The following STEAP1B variants were observed in gnomAD, a reference collection of about 807,000 sequenced individuals.
STEAP1B encodes the protein STEAP family member 1B, also known as STEAP family protein MGC87042.
In STEAP1B, 13 loss-of-function variants were observed where a neutral mutation model predicts 27.9. The ratio of observed to expected loss-of-function variants is 0.47; its 90% confidence interval spans 0.30 to 0.74. STEAP1B has a LOEUF of 0.74. Among genes scored for constraint, STEAP1B ranks in the 30% least tolerant of loss-of-function variants. The probability of loss-of-function intolerance (pLI) is 0.06; values close to 1 mark genes in which losing one functional copy is unlikely to be tolerated. For synonymous variants in STEAP1B, 86 were observed against 107.1 expected, an observed-to-expected ratio of 0.80 and a Z score of 1.22; for missense variants, 250 against 298.7, an observed-to-expected ratio of 0.84 and a Z score of 1.20.
At chr7:22,435,488 T>G (rs1284820986) in intron 4 of STEAP1B, among the ~76,000 whole-genome samples, 2 of 152,204 alleles carry the variant, frequency 1.3e-5, no homozygotes, top group Non-Finnish European at 1.5e-5. Flanking sequence ...CCAAAAGCCA[T>G]TTATTGACAA....
intron 4 of STEAP1B, among the ~76,000 whole-genome samples, chr7:22,461,661 T>C (rs1785680962): frequency 6.6e-6 from 1 of 152,188 alleles, no homozygotes; most frequent in Non-Finnish European, 1.5e-5. Context: ...AATTCTGAGT[T>C]TCAGAATATT....
Position 22,493,664 on chromosome 7 carries a change from A to G in STEAP1B, c.257T>C (p.Phe86Ser). Reference protein sequence around the residue: ...KIAAVMASLTFLYTLLREVIH... With the variant: ...KIAAVMASLTSLYTLLREVIH... ...TACTTCCCTCAGAAGAGTGTAAAGA[A>G]AAGTCAGAGATGCCATAACAGCAGC... Residue 86 changes from phenylalanine to serine, a missense_variant, in exon 3 of 5, where the codon TTT becomes TCT. Coordinates refer to ENST00000678116, the MANE Select transcript of STEAP1B (RefSeq NM_001382447.1). The G allele has an allele frequency of 6.2e-7, 1 of 1,614,044 alleles. No individual in the cohort carries two copies.
intron 1 of STEAP1B, among the ~76,000 whole-genome samples, chr7:22,499,017 GA>G (rs1786489317): frequency 6.6e-6 from 1 of 152,162 alleles, no homozygotes; most frequent in Non-Finnish European, 1.5e-5. Context: ...GTTTTCATCA[GA>G]CATTAACCAA....
At chr7:22,487,034 G>C (rs1786222914) in intron 4 of STEAP1B, among the ~76,000 whole-genome samples, 1 of 152,216 alleles carries the variant, frequency 6.6e-6, no homozygotes, top group Non-Finnish European at 1.5e-5. Flanking sequence ...TTTTCACATA[G>C]ATAGAGGAAG....
intron 4 of STEAP1B, among the ~76,000 whole-genome samples, chr7:22,485,858 C>G (rs947774526): frequency 6.6e-5 from 10 of 152,194 alleles, no homozygotes; most frequent in African/African-American, 2.2e-4. Flanking sequence ...GAGTTTGATT[C>G]AAGAGGAACC....
chr7:22,490,186 A>T (rs13306927), intron 4 of STEAP1B, among the ~76,000 whole-genome samples: 3 of 126,720 alleles, frequency 2.4e-5, no homozygotes, highest in South Asian at 2.4e-4. Context: ...ACTTTTTTTT[A>T]AAAAACTGAC....
At chr7:22,451,733 C>T (rs890422231) in intron 4 of STEAP1B, among the ~76,000 whole-genome samples, 2 of 152,130 alleles carry the variant, frequency 1.3e-5, no homozygotes, top group African/African-American at 4.8e-5. Context: ...AGGGATAAAT[C>T]CCACTTGGTC....
intron 4 of STEAP1B, among the ~76,000 whole-genome samples, chr7:22,490,938 TCAAA>T (rs1409962612): frequency 2.6e-5 from 4 of 152,250 alleles, no homozygotes; most frequent in East Asian, 1.9e-4. Context: ...ATGCTTCAGT[TCAAA>T]CAAACTCCTT....
chr7:22,465,188 T>G (rs1049178450), intron 4 of STEAP1B, among the ~76,000 whole-genome samples: 2 of 151,650 alleles, frequency 1.3e-5, no homozygotes, highest in South Asian at 4.2e-4. Flanking sequence ...AAGGGATGAA[T>G]TCATGTCCAG....
chr7:22,431,125 C>T (rs1175143938), intron 4 of STEAP1B, among the ~76,000 whole-genome samples: 1 of 152,176 alleles, frequency 6.6e-6, no homozygotes, highest in Admixed American at 6.5e-5. Flanking sequence ...CTCAAATTGA[C>T]CTACATAATA....
At chr7:22,494,536 G>T (rs2128418501) in intron 2 of STEAP1B, among the ~76,000 whole-genome samples, 1 of 151,862 alleles carries the variant, frequency 6.6e-6, no homozygotes, top group Admixed American at 6.6e-5. Flanking sequence ...TAAGACCCCA[G>T]ATTTTCAGTA....
intron 4 of STEAP1B, among the ~76,000 whole-genome samples, chr7:22,480,209 T>C (rs1053208154): frequency 9.8e-5 from 15 of 152,348 alleles, no homozygotes; most frequent in South Asian, 2.1e-4. Flanking sequence ...CCTTATCCTG[T>C]TCCAAATCCT....
chr7:22,433,263 C>T (rs550980042), intron 4 of STEAP1B, among the ~76,000 whole-genome samples: 4 of 151,800 alleles, frequency 2.6e-5, no homozygotes, highest in African/African-American at 9.7e-5. Flanking sequence ...GGACACCTTC[C>T]CCCAACTTAC....
At chr7:22,449,699 T>C (rs1313904418) in intron 4 of STEAP1B, among the ~76,000 whole-genome samples, 1 of 152,250 alleles carries the variant, frequency 6.6e-6, no homozygotes, top group East Asian at 1.9e-4. Flanking sequence ...GCTCTGTTTT[T>C]AGTTTTTTGA....
At chr7:22,423,062 A>C (rs1346330004) in intron 4 of STEAP1B, among the ~76,000 whole-genome samples, 2 of 152,240 alleles carry the variant, frequency 1.3e-5, no homozygotes, top group Non-Finnish European at 2.9e-5. Context: ...CTTGCCTTAC[A>C]TTATAGAACA....
intron 4 of STEAP1B, among the ~76,000 whole-genome samples, chr7:22,479,489 T>A (rs1381414205): frequency 6.6e-6 from 1 of 152,080 alleles, no homozygotes; most frequent in African/African-American, 2.4e-5. Context: ...CCTTGTAGAG[T>A]AACCTCCCAT....
At chr7:22,457,270 T>C (rs143567091) in intron 4 of STEAP1B, among the ~76,000 whole-genome samples, 50 of 152,008 alleles carry the variant, frequency 3.3e-4, no homozygotes, top group African/African-American at 1.1e-3. Context: ...TGATTTTTAA[T>C]TGGGGGTAGA....
chr7:22,433,761 G>T (rs1022782424), intron 4 of STEAP1B, among the ~76,000 whole-genome samples: 1 of 152,212 alleles, frequency 6.6e-6, no homozygotes, highest in Non-Finnish European at 1.5e-5. Flanking sequence ...ATTCAGGAAA[G>T]AATGAGTCCT....
chr7:22,454,866 T>TGTATATGTATA (rs58504014), intron 4 of STEAP1B, among the ~76,000 whole-genome samples: 2 of 57,150 alleles, frequency 3.5e-5, no homozygotes, highest in African/African-American at 1.4e-4. Flanking sequence ...TATATATATA[T>TGTATATGTATA]TTTTTTTTTT....
Sources: gnomAD v4.1 joint callset for allele counts (sites outside exome capture counted in the v4.1 genomes callset) on GRCh38, gnomAD v4.1.1 for gene constraint, MANE v1.5 for transcripts, NCBI Gene and HGNC (gene_info 2026-07-23, HGNC 2026-07-21) for gene names.